Variants in MROH9 observed in about 807,000 individuals in gnomAD.
The protein encoded by MROH9 is maestro heat like repeat family member 9, also known as maestro heat-like repeat-containing protein family member 9.
A neutral mutation model predicts 98.2 loss-of-function variants in MROH9; 92 were observed. That is an observed-to-expected ratio of 0.94 (90% CI 0.79 to 1.11). MROH9 has a LOEUF of 1.11. MROH9 is among the 50% of genes most tolerant of loss of function. The probability of loss-of-function intolerance (pLI) is 0.00; values close to 1 mark genes in which losing one functional copy is unlikely to be tolerated. For synonymous variants in MROH9, 397 were observed against 368.9 expected (o/e 1.08, Z -0.87); for missense variants, 1,057 against 1,014.8 (o/e 1.04, Z -0.57).
intron 20 of MROH9, among the ~76,000 whole-genome samples, chr1:171,042,315 G>T (rs1334584262): frequency 6.6e-6 from 1 of 152,004 alleles, no homozygotes; most frequent in South Asian, 2.1e-4. Flanking sequence ...CAAATGACTG[G>T]ATCTCACTCT....
intron 8 of MROH9, among the ~76,000 whole-genome samples, chr1:170,980,225 T>C (rs1650877859): frequency 6.6e-6 from 1 of 152,108 alleles, no homozygotes; most frequent in Non-Finnish European, 1.5e-5. Flanking sequence ...TTCACACGAT[T>C]AGAAAAAAAC....
intron 11 of MROH9, among the ~76,000 whole-genome samples, chr1:170,990,953 A>G (rs1347548609): frequency 2.0e-5 from 3 of 152,168 alleles, no homozygotes; most frequent in Non-Finnish European, 2.9e-5. Flanking sequence ...GCTTTAACTC[A>G]CAAAGTATTT....
chr1:171,041,076 T>C (rs1160110381), intron 20 of MROH9, among the ~76,000 whole-genome samples: 1 of 151,924 alleles, frequency 6.6e-6, no homozygotes, highest in African/African-American at 2.4e-5. Flanking sequence ...AGTGTACCTA[T>C]TACCCAAACA....
chr1:171,039,109 A>G lies in MROH9; in HGVS notation c.2281+13689A>G, dbSNP rs188728606. On this transcript the variant is annotated intron_variant, in intron 20 of 21. Transcript: ENST00000367759. ...GTTGAGATCACATGCTTACCTACCT[A>G]GGCCTTGGCATTTTGGTTAATTTGA... 2.0e-4 allele frequency among the ~76,000 whole-genome samples: 30 copies of G among 152,224 alleles called. No individual in the cohort carries two copies. In the East Asian group the frequency reaches 5.8e-3, roughly 29 times the overall value.
intron 1 of MROH9, among the ~76,000 whole-genome samples, chr1:170,945,102 A>G (rs1478961715): frequency 6.6e-6 from 1 of 151,954 alleles, no homozygotes; most frequent in Non-Finnish European, 1.5e-5. Context: ...AACAGGTCAT[A>G]TGGCAAGAAA....
Position 171,034,158 on chromosome 1 carries a change from G to A in MROH9, c.2281+8738G>A, listed in dbSNP as rs1004476551. ...TTATAGTATTCAACTATAAAATATA[G>A]AATATTGCTTACAAATTCCTAAGTG... On this transcript the variant is annotated intron_variant, in intron 20 of 21. Coordinates refer to ENST00000367759, the MANE Select transcript of MROH9 (RefSeq NM_001163629.2). 3.3e-5 allele frequency among the ~76,000 whole-genome samples: 5 copies of A among 152,092 alleles called. No individual in the cohort carries two copies. The South Asian group carries it at 1.0e-3, about 32-fold the overall frequency.
At chr1:170,946,970 T>C (rs1649354726) in intron 2 of MROH9, among the ~76,000 whole-genome samples, 1 of 151,982 alleles carries the variant, frequency 6.6e-6, no homozygotes, top group Non-Finnish European at 1.5e-5. Flanking sequence ...TATTTCTATT[T>C]TTAAATAATA....
chr1:170,948,549 T>C (rs1358024788), intron 3 of MROH9, among the ~76,000 whole-genome samples: 1 of 152,096 alleles, frequency 6.6e-6, no homozygotes, highest in African/African-American at 2.4e-5. Flanking sequence ...CAACAAATAT[T>C]TATTGAGAAT....
intron 3 of MROH9, among the ~76,000 whole-genome samples, chr1:170,949,048 T>C (rs1425288846): frequency 6.6e-6 from 1 of 152,010 alleles, no homozygotes; most frequent in East Asian, 1.9e-4. Context: ...GCAAGATAGG[T>C]CTCAGCTACT....
intron 7 of MROH9, among the ~76,000 whole-genome samples, chr1:170,965,851 G>A (rs544169777): frequency 6.6e-6 from 1 of 151,840 alleles, no homozygotes; most frequent in African/African-American, 2.4e-5. Flanking sequence ...TTCACATATG[G>A]TTCTACAATT....
intron 1 of MROH9, among the ~76,000 whole-genome samples, chr1:170,940,516 A>G (rs1649082878): frequency 6.6e-6 from 1 of 152,200 alleles, no homozygotes; most frequent in Non-Finnish European, 1.5e-5. Flanking sequence ...AGCTGAACAC[A>G]AACTGCTTCA....
chr1:171,057,841 C>T lies in MROH9; in HGVS notation c.2282-4291C>T, dbSNP rs1161875502. Reference sequence around the variant, plus strand: ...CATTCTTAAAGAAAAGAATTTCCAACCCAGAATTTCATATCCAGCCAAAAT... The same window carrying T: ...CATTCTTAAAGAAAAGAATTTCCAATCCAGAATTTCATATCCAGCCAAAAT... On this transcript the variant is annotated intron_variant, in intron 20 of 21. Coordinates refer to ENST00000367759, the MANE Select transcript of MROH9 (RefSeq NM_001163629.2). Among the ~76,000 whole-genome samples, 24 of 152,108 alleles carry T rather than the reference C, an allele frequency of 1.6e-4. 1 individual carries two copies. Among genetic ancestry groups the T allele is most frequent in the Admixed American group, 1.6e-3 (24 of 15,274 alleles).
chr1:170,990,071 T>C, intron 11 of MROH9, 68 bp downstream of exon 11: 1 of 1,462,344 alleles, frequency 6.8e-7, no homozygotes, highest in Non-Finnish European at 9.3e-7. Context: ...CAGATGGACC[T>C]GGGTTCAACT....
At chr1:170,970,305 C>T (rs1010783214) in intron 7 of MROH9, among the ~76,000 whole-genome samples, 1 of 152,040 alleles carries the variant, frequency 6.6e-6, no homozygotes, top group Non-Finnish European at 1.5e-5. Context: ...CTACTCTTCT[C>T]TCATACCCAG....
intron 20 of MROH9, among the ~76,000 whole-genome samples, chr1:171,032,467 C>T (rs1652954126): frequency 6.6e-6 from 1 of 151,954 alleles, no homozygotes; most frequent in Admixed American, 6.6e-5. Context: ...TTTGTGGGGG[C>T]TTTTTTGTTG....
intron 17 of MROH9, among the ~76,000 whole-genome samples, chr1:171,016,553 C>T (rs914326122): frequency 1.3e-5 from 2 of 151,988 alleles, no homozygotes; most frequent in Admixed American, 1.3e-4. Context: ...AAGGAATAGC[C>T]TCTATCCTTG....
intron 8 of MROH9, among the ~76,000 whole-genome samples, chr1:170,974,176 T>C (rs1395187059): frequency 2.0e-5 from 3 of 152,200 alleles, no homozygotes; most frequent in Non-Finnish European, 4.4e-5. Flanking sequence ...GCATGTCTAA[T>C]ATGAGTCTCT....
intron 8 of MROH9, among the ~76,000 whole-genome samples, chr1:170,975,925 G>T (rs1378249189): frequency 1.3e-5 from 2 of 151,668 alleles, no homozygotes; most frequent in African/African-American, 2.4e-5. Context: ...TGTCTTTTTT[G>T]ATCTTTGTCG....
At chr1:171,036,606 T>C (rs1197125131) in intron 20 of MROH9, among the ~76,000 whole-genome samples, 2 of 151,938 alleles carry the variant, frequency 1.3e-5, no homozygotes, top group Non-Finnish European at 2.9e-5. Flanking sequence ...TATTGCCCTA[T>C]TATTAGTAAT....
Sources: gnomAD v4.1 joint callset for allele counts (sites outside exome capture counted in the v4.1 genomes callset) on GRCh38, gnomAD v4.1.1 for gene constraint, MANE v1.5 for transcripts, NCBI Gene and HGNC (gene_info 2026-07-23, HGNC 2026-07-21) for gene names.